PTK7: variants seen among roughly 807,000 people sequenced by gnomAD.
The protein encoded by PTK7 is inactive tyrosine-protein kinase 7.
Under a neutral mutation model 116.6 loss-of-function variants are expected in PTK7, and 39 were observed. That is an observed-to-expected ratio of 0.33 (90% CI 0.26 to 0.44). The LOEUF (loss-of-function observed/expected upper bound fraction) is 0.44. Among genes scored for constraint, PTK7 ranks in the 20% least tolerant of loss-of-function variants. The pLI is 1.00. For missense variants in PTK7, 1,169 were observed against 1,425.6 expected (o/e 0.82, Z 2.90); for synonymous variants, 546 against 563.6 (o/e 0.97, Z 0.44).
In PTK7 at chr6:43,142,072, T is replaced by C; in HGVS notation, c.1910T>C (p.Leu637Pro). ...GKDRILDPTK[L>P]GPRMHIFQNG... ...GACCGCATCCTGGACCCCACCAAGC[T>C]GGGACCCAGGTAGGGCCACCTCTCT... Residue 637 changes from leucine to proline, a missense_variant, in exon 12 of 20, where the codon CTG becomes CCG. Around this residue, in one of 3 missense-constraint regions of PTK7, gnomAD observed 678 missense variants for 853.8 expected, o/e 0.79. Coordinates refer to ENST00000230419, the MANE Select transcript of PTK7 (RefSeq NM_002821.5). 6.2e-7 allele frequency: 1 copy of C among 1,613,440 alleles called. No homozygotes were observed. The highest frequency in any genetic ancestry group is 8.5e-7 in the Non-Finnish European group (1 of 1,179,760).
At chr6:43,096,912 GGGGGCC>G (rs1767292930) in intron 1 of PTK7, among the ~76,000 whole-genome samples, 1 of 88,240 alleles carries the variant, frequency 1.1e-5, no homozygotes, top group Non-Finnish European at 2.3e-5. Context: ...CCAGTTTGCT[GGGGGCC>G]TGGAGGCCGC....
chr6:43,148,568 G>C (rs933236974), intron 17 of PTK7, among the ~76,000 whole-genome samples: 7 of 152,186 alleles, frequency 4.6e-5, no homozygotes, highest in African/African-American at 1.7e-4. Flanking sequence ...GCTGGGATGA[G>C]ACATAGGCTG....
Position 43,161,657 on chromosome 6 carries a change from TTTTG to T in PTK7, c.*780_*783del, listed in dbSNP as rs1771852592. ...TTGTCGTTTTTTGTTTGTTTTGTTT[TTTTG>T]TTTTTGTTTTTGTTTTTACACTCGC... On this transcript the variant is annotated 3_prime_UTR_variant, in exon 20 of 20. Transcript: ENST00000230419. 1 of 152,128 alleles carries T rather than the reference TTTTG, an allele frequency of 6.6e-6. No individual in the cohort carries two copies. Among genetic ancestry groups the T allele is most frequent in the African/African-American group, 2.4e-5 (1 of 41,404 alleles). The allele number at this position is 152,128 out of a possible 1,614,324, so 9.4% of individuals were successfully genotyped here. A position where few individuals can be genotyped will look rare whatever the true frequency, so the allele number is the denominator to read the frequency against.
At chr6:43,134,626 A>C (rs888977106) in intron 7 of PTK7, among the ~76,000 whole-genome samples, 2 of 152,024 alleles carry the variant, frequency 1.3e-5, no homozygotes, top group Non-Finnish European at 2.9e-5. Flanking sequence ...CTAAAAATAC[A>C]AAAATTAGCT....
In PTK7 at chr6:43,109,792, G is replaced by A. The variant is rs560204052; in HGVS notation, c.80-19185G>A. Among the ~76,000 whole-genome samples, 45 of 147,854 alleles carry A rather than the reference G, an allele frequency of 3.0e-4. No individual in the cohort carries two copies. In the South Asian group the frequency reaches 8.8e-3, roughly 29 times the overall value. ...CAGCTCACTGCAAACTCTGCCTCCC[G>A]GGTTCACACCATTCTCCTGGCTTAG... is the stretch of plus-strand genomic sequence containing the variant. On this transcript the variant is annotated intron_variant, in intron 1 of 19. Coordinates refer to ENST00000230419, the MANE Select transcript of PTK7 (RefSeq NM_002821.5).
At position 43,143,676 on chromosome 6, in the gene PTK7, C is replaced by A; in HGVS notation, c.2251+56C>A. 4 of 1,557,024 alleles carry A rather than the reference C, an allele frequency of 2.6e-6. No homozygotes were observed. Among genetic ancestry groups the A allele is most frequent in the South Asian group, 2.3e-5 (2 of 87,484 alleles). ...CGTGTGCGGGAGCTGAGCGCCCTCC[C>A]GCGGCCACGGAGGGGAGAGCGCCAG... On this transcript the variant is annotated intron_variant, in intron 14 of 19. Transcript: ENST00000230419. The surrounding 1 kb of genome is among the most constrained non-coding windows in gnomAD (Gnocchi z 4.2).
Position 43,129,648 on chromosome 6 carries a change from C to T in PTK7, c.368-79C>T. 7.8e-7 allele frequency: 1 copy of T among 1,278,574 alleles called. No homozygotes were observed. 79.2% of individuals were successfully genotyped at this position (1,278,574 alleles called of 1,614,324 possible). On this transcript the variant is annotated intron_variant, in intron 2 of 19. Coordinates refer to ENST00000230419, the MANE Select transcript of PTK7 (RefSeq NM_002821.5). This position sits in a 1 kb window ranked among gnomAD's most constrained non-coding sequence, Gnocchi z 4.5. ...ACAGAGCCTCGAGGTTCCACGGCTT[C>T]CTGCTTGTCCTCCTTGCCCTCTGCC...
chr6:43,111,811 G>C (rs945691243), intron 1 of PTK7, among the ~76,000 whole-genome samples: 3 of 151,226 alleles, frequency 2.0e-5, no homozygotes, highest in Admixed American at 6.6e-5. Flanking sequence ...GGGACCACAG[G>C]TGCATACCAC....
Position 43,161,126 on chromosome 6 carries a change from C to A in PTK7, c.*245C>A, listed in dbSNP as rs1771822794. ...AGCTGGGCAGTTTTCCCTGCCACCT[C>A]TTCCTCTATCAGGGACAGTGTGGGT... is the stretch of plus-strand genomic sequence containing the variant. On this transcript the variant is annotated 3_prime_UTR_variant, in exon 20 of 20. Transcript: ENST00000230419. 3.8e-6 allele frequency: 2 copies of A among 521,444 alleles called. No homozygotes were observed. Among genetic ancestry groups the A allele is most frequent in the Admixed American group, 6.4e-5 (2 of 31,096 alleles). 32.3% of individuals were successfully genotyped at this position (521,444 alleles called of 1,614,324 possible).
intron 1 of PTK7, among the ~76,000 whole-genome samples, chr6:43,110,379 A>G (rs1317383516): frequency 1.3e-5 from 2 of 148,460 alleles, no homozygotes; most frequent in African/African-American, 5.0e-5. Context: ...GAATTTTAGC[A>G]GGTTTTTTTT....
chr6:43,138,728 C>T (rs1415931273), intron 7 of PTK7, 121 bp from the exon 8 acceptor site: 22 of 1,377,270 alleles, frequency 1.6e-5, no homozygotes, highest in Admixed American at 2.4e-5. Context: ...CTCCTGCCAT[C>T]TGAGGAGCAT....
At chr6:43,123,069 G>C (rs899141597) in intron 1 of PTK7, among the ~76,000 whole-genome samples, 8 of 152,136 alleles carry the variant, frequency 5.3e-5, no homozygotes, top group African/African-American at 1.9e-4. Flanking sequence ...GGACTTCTGG[G>C]CCGGTAGCAT....
At chr6:43,157,371 T>TATATATATATATAAA (rs1561990682) in intron 17 of PTK7, among the ~76,000 whole-genome samples, 3 of 85,752 alleles carry the variant, frequency 3.5e-5, no homozygotes, top group African/African-American at 1.6e-4. Context: ...TATATTTTTT[T>TATATATATATATAAA]TTTTCTTTTT....
rs1277393044 is a variant in PTK7 at position 43,118,649 on chromosome 6, CTCTCTCTCTCTATATATA to C, written c.80-10326_80-10309del. Among the ~76,000 whole-genome samples the C allele has an allele frequency of 6.3e-3, 545 of 86,480 alleles. 2 individuals are homozygous for C. Among genetic ancestry groups the C allele is most frequent in the African/African-American group, 0.015 (259 of 17,378 alleles). The allele number at this position is 86,480 out of a possible 152,430, so 56.7% of individuals were successfully genotyped here. On this transcript the variant is annotated intron_variant, in intron 1 of 19. Coordinates refer to ENST00000230419, the MANE Select transcript of PTK7 (RefSeq NM_002821.5). ...TCTCTCTCTCTCTCTCTCTCTCTCT[CTCTCTCTCTCTATATATA>C]TATATATATATATATATATATGTAT... is the stretch of plus-strand genomic sequence containing the variant.
At chr6:43,093,953 T>C (rs1767096732) in intron 1 of PTK7, among the ~76,000 whole-genome samples, 1 of 152,134 alleles carries the variant, frequency 6.6e-6, no homozygotes, top group South Asian at 2.1e-4. Context: ...AAACATCTCA[T>C]TGGTTAGAAA....
In PTK7 at chr6:43,145,562, C is replaced by T. The variant is rs943707778; in HGVS notation, c.2640+130C>T. The stretch of plus-strand genomic sequence containing the variant: ...TCTCAGCCGAGACCTCACCTGCCTG[C>T]TGTTACACTTTGCCCACCTTATGAT... On this transcript the variant is annotated intron_variant, in intron 16 of 19. Transcript: ENST00000230419. The surrounding 1 kb of genome is among the most constrained non-coding windows in gnomAD (Gnocchi z 4.8). 4.6e-6 allele frequency: 3 copies of T among 651,994 alleles called. No individual in the cohort carries two copies. The highest frequency in any genetic ancestry group is 6.7e-5 in the Admixed American group (2 of 29,948). The allele number at this position is 651,994 out of a possible 1,614,324, so 40.4% of individuals were successfully genotyped here. A position where few individuals can be genotyped will look rare whatever the true frequency, so the allele number is the denominator to read the frequency against.
intron 1 of PTK7, among the ~76,000 whole-genome samples, chr6:43,090,495 A>G (rs1766885604): frequency 6.6e-6 from 1 of 152,134 alleles, no homozygotes; most frequent in Non-Finnish European, 1.5e-5. Flanking sequence ...GGTCACAGGT[A>G]TTTGTGGAGA....
At chr6:43,078,667 C>A (rs554003547) in intron 1 of PTK7, among the ~76,000 whole-genome samples, 1 of 152,278 alleles carries the variant, frequency 6.6e-6, no homozygotes, top group Middle Eastern at 3.4e-3. Context: ...GTGGATTAGA[C>A]CATTTTAAAG....
At chr6:43,131,083 TA>T (rs1255394656) in intron 5 of PTK7, among the ~76,000 whole-genome samples, 1 of 144,254 alleles carries the variant, frequency 6.9e-6, no homozygotes, top group Non-Finnish European at 1.5e-5. Context: ...ACACACTTTT[TA>T]GAGGAAGCAA....
Sources: gnomAD v4.1 joint callset for allele counts (sites outside exome capture counted in the v4.1 genomes callset) on GRCh38, gnomAD v4.1.1 for gene constraint, gnomAD v4.1.1 regional missense constraint, Gnocchi (gnomAD v3.1) non-coding constraint, MANE v1.5 for transcripts, NCBI Gene and HGNC (gene_info 2026-07-23, HGNC 2026-07-21) for gene names.